The following MYO16 variants were observed in gnomAD, a reference collection of about 807,000 sequenced individuals.
The protein encoded by MYO16 is unconventional myosin-XVI.
A neutral mutation model predicts 205.3 loss-of-function variants in MYO16; 94 were observed. That is an observed-to-expected ratio of 0.46 (90% CI 0.39 to 0.54). The LOEUF is 0.54. Among genes scored for constraint, MYO16 ranks in the 20% least tolerant of loss-of-function variants. The probability of loss-of-function intolerance (pLI) is 0.00; values close to 1 mark genes in which losing one functional copy is unlikely to be tolerated. For synonymous variants in MYO16, 988 were observed against 954.0 expected, an observed-to-expected ratio of 1.04 and a Z score of -0.66; for missense variants, 2,315 against 2,387.5, an observed-to-expected ratio of 0.97 and a Z score of 0.63.
At chr13:108,867,147 C>T (rs939780971) in intron 12 of MYO16, among the ~76,000 whole-genome samples, 5 of 151,654 alleles carry the variant, frequency 3.3e-5, no homozygotes, top group Non-Finnish European at 5.9e-5. Flanking sequence ...AGTTTGAGAC[C>T]ATCCTGGGCA....
Position 109,127,442 on chromosome 13 carries a change from C to A in MYO16, c.3943C>A (p.Arg1315=). 6.2e-7 allele frequency: 1 copy of A among 1,614,076 alleles called. No individual in the cohort carries two copies. Among genetic ancestry groups the A allele is most frequent in the East Asian group, 2.2e-5 (1 of 44,830 alleles). The stretch of plus-strand genomic sequence containing the variant: ...TGACAGCAGCAGCCTCCCGTCTCCA[C>A]GGAAACAGCCCCCGCCCAAGCCAAA... The part of the protein sequence containing the change: ...MDDSSSLPSP[R]KQPPPKPKRD... Residue 1315 remains arginine (R), a synonymous_variant, in exon 31 of 35, where the codon CGG becomes AGG. Coordinates refer to ENST00000457511, the MANE Select transcript of MYO16 (RefSeq NM_001198950.3). The surrounding 1 kb of genome is among the most constrained non-coding windows in gnomAD (Gnocchi z 4.2).
chr13:108,938,887 A>ACCT (rs895242261), intron 16 of MYO16, among the ~76,000 whole-genome samples: 1 of 152,176 alleles, frequency 6.6e-6, no homozygotes, highest in African/African-American at 2.4e-5. Flanking sequence ...AGGCTGGTGA[A>ACCT]CCCATCAATG....
chr13:109,129,910 C>T (rs1309189339), intron 31 of MYO16, among the ~76,000 whole-genome samples: 2 of 150,930 alleles, frequency 1.3e-5, no homozygotes, highest in African/African-American at 4.9e-5. Flanking sequence ...GAGGGGACCA[C>T]TTTGTCACAT....
the MYO16 span, among the ~76,000 whole-genome samples, chr13:108,500,642 C>T: frequency 6.6e-6 from 1 of 152,070 alleles, no homozygotes; most frequent in South Asian, 2.1e-4. Flanking sequence ...ATAAATATGA[C>T]TGAGATGAGT....
chr13:108,679,048 A>T (rs1236037342), intron 2 of MYO16, among the ~76,000 whole-genome samples: 1 of 152,204 alleles, frequency 6.6e-6, no homozygotes, highest in African/African-American at 2.4e-5. Context: ...ATCTACCCAC[A>T]GAAAACCCCA....
chr13:108,672,026 A>G (rs1409701763), intron 2 of MYO16, among the ~76,000 whole-genome samples: 1 of 152,132 alleles, frequency 6.6e-6, no homozygotes, highest in African/African-American at 2.4e-5. Flanking sequence ...AAAATAATGG[A>G]TATACATATA....
chr13:108,873,810 AC>A (rs1198861447), intron 12 of MYO16, among the ~76,000 whole-genome samples: 1 of 151,998 alleles, frequency 6.6e-6, no homozygotes, highest in African/African-American at 2.4e-5. Flanking sequence ...ATGCCAACCA[AC>A]CAGGACAGGG....
the MYO16 span, among the ~76,000 whole-genome samples, chr13:108,528,124 G>C: frequency 6.6e-6 from 1 of 152,202 alleles, no homozygotes; most frequent in Non-Finnish European, 1.5e-5. Flanking sequence ...AGAAAATAGT[G>C]ACAGGCATCT....
upstream of MYO16, among the ~76,000 whole-genome samples, chr13:108,592,918 C>T (rs920615729): frequency 6.6e-6 from 1 of 152,024 alleles, no homozygotes; most frequent in African/African-American, 2.4e-5. Context: ...AAAATTTGTA[C>T]GACATTGTAC....
At chr13:108,585,606 T>C in the MYO16 span, among the ~76,000 whole-genome samples, 1,863 of 152,310 alleles carry the variant, frequency 0.012, 84 homozygotes, top group East Asian at 0.13. Flanking sequence ...CTATAGAATG[T>C]GGATTTTTCC....
chr13:109,125,482 C>A lies in MYO16; in HGVS notation c.3782+124C>A. Reference sequence around the variant, plus strand: ...GACAGGAGTTGCAGGAACAGGCATGCGTGGTTTGTTATTCGAAATGGCAGC... The same window carrying A: ...GACAGGAGTTGCAGGAACAGGCATGAGTGGTTTGTTATTCGAAATGGCAGC... On this transcript the variant is annotated intron_variant, in intron 30 of 34. Coordinates refer to ENST00000457511, the MANE Select transcript of MYO16 (RefSeq NM_001198950.3). The surrounding 1 kb of genome is among the most constrained non-coding windows in gnomAD (Gnocchi z 4.0). 7.6e-7 allele frequency: 1 copy of A among 1,312,500 alleles called. No homozygotes were observed. Among genetic ancestry groups the A allele is most frequent in the Non-Finnish European group, 1.0e-6 (1 of 958,780 alleles). 81.3% of individuals were successfully genotyped at this position (1,312,500 alleles called of 1,614,324 possible). A position where few individuals can be genotyped will look rare whatever the true frequency, so the allele number is the denominator to read the frequency against.
intron 1 of MYO16, among the ~76,000 whole-genome samples, chr13:108,617,431 T>A (rs2139328916): frequency 6.6e-6 from 1 of 152,318 alleles, no homozygotes; most frequent in East Asian, 1.9e-4. Flanking sequence ...CCAATCTTAT[T>A]TGATCCCTAG....
At chr13:109,131,257 G>A (rs749113015) in intron 31 of MYO16, among the ~76,000 whole-genome samples, 1 of 152,212 alleles carries the variant, frequency 6.6e-6, no homozygotes, top group Non-Finnish European at 1.5e-5. Context: ...GTTACAGAGT[G>A]AAAGGAGATC....
chr13:108,798,217 A>T (rs1045716682), intron 6 of MYO16, among the ~76,000 whole-genome samples: 1 of 125,566 alleles, frequency 8.0e-6, no homozygotes, highest in Non-Finnish European at 1.7e-5. Flanking sequence ...TCTATTGTGG[A>T]GATAAGGAGA....
chr13:109,064,542 C>T, intron 27 of MYO16, among the ~76,000 whole-genome samples: 1 of 152,210 alleles, frequency 6.6e-6, no homozygotes, highest in East Asian at 1.9e-4. Flanking sequence ...TTCTCTCTTG[C>T]ATTGCATTTG....
the MYO16 span, among the ~76,000 whole-genome samples, chr13:108,513,163 G>A: frequency 9.3e-6 from 1 of 107,074 alleles, no homozygotes; most frequent in Non-Finnish European, 1.8e-5. Context: ...CCTGTTATTG[G>A]TCTATTCAGA....
At chr13:108,646,874 C>T (rs565131051) in intron 1 of MYO16, among the ~76,000 whole-genome samples, 97 of 152,134 alleles carry the variant, frequency 6.4e-4, no homozygotes, top group African/African-American at 2.0e-3. Flanking sequence ...TATAAACTTA[C>T]AGCTAGTTTA....
At chr13:109,023,256 A>G (rs1385857935) in intron 23 of MYO16, among the ~76,000 whole-genome samples, 1 of 100,432 alleles carries the variant, frequency 1.0e-5, no homozygotes, top group Admixed American at 1.4e-4. Context: ...ATATATTTAT[A>G]TATTATACAG....
At chr13:108,913,110 T>C (rs1258443119) in intron 16 of MYO16, among the ~76,000 whole-genome samples, 4 of 152,114 alleles carry the variant, frequency 2.6e-5, no homozygotes, top group African/African-American at 9.7e-5. Context: ...TATGAGGAGT[T>C]CCAACAGGAA....
Sources: gnomAD v4.1 joint callset for allele counts (sites outside exome capture counted in the v4.1 genomes callset) on GRCh38, gnomAD v4.1.1 for gene constraint, Gnocchi (gnomAD v3.1) non-coding constraint, MANE v1.5 for transcripts, NCBI Gene and HGNC (gene_info 2026-07-23, HGNC 2026-07-21) for gene names.